Variants in BCL2 observed in about 807,000 individuals in gnomAD.
BCL2 encodes BCL2 apoptosis regulator.
Under a neutral mutation model 14.2 loss-of-function variants are expected in BCL2, and 1 was observed. The ratio of observed to expected loss-of-function variants is 0.07; its 90% CI spans 0.02 to 0.33. The LOEUF is 0.33. BCL2 is among the 10% of genes least tolerant of loss of function. BCL2 has a pLI of 0.99. For missense variants in BCL2, 247 were observed against 305.9 expected, an observed-to-expected ratio of 0.81 and a Z score of 1.44; for synonymous variants, 151 against 137.2, an observed-to-expected ratio of 1.10 and a Z score of -0.70.
intron 2 of BCL2, among the ~76,000 whole-genome samples, chr18:63,136,100 C>T (rs969614119): frequency 2.0e-5 from 3 of 152,156 alleles, no homozygotes; most frequent in African/African-American, 7.2e-5. Flanking sequence ...GCACCTCCTC[C>T]CTGGCCTATT....
chr18:63,173,777 A>G (rs1488613340), intron 2 of BCL2, among the ~76,000 whole-genome samples: 2 of 152,232 alleles, frequency 1.3e-5, no homozygotes. Flanking sequence ...TCTTGTTTGT[A>G]TCAGACTTCT....
intron 2 of BCL2, among the ~76,000 whole-genome samples, chr18:63,295,186 A>ATT (rs1568261382): frequency 6.6e-6 from 1 of 150,882 alleles, no homozygotes; most frequent in African/African-American, 2.4e-5. Context: ...TAATAGTAAT[A>ATT]ATTATTATTA....
chr18:63,162,533 G>C (rs1021885517), intron 2 of BCL2, among the ~76,000 whole-genome samples: 2 of 152,040 alleles, frequency 1.3e-5, no homozygotes, highest in Non-Finnish European at 2.9e-5. Context: ...GCAGGCACGC[G>C]GGTGACACAG....
chr18:63,199,164 A>T (rs928565318), intron 2 of BCL2, among the ~76,000 whole-genome samples: 2 of 151,084 alleles, frequency 1.3e-5, no homozygotes, highest in Non-Finnish European at 3.0e-5. Flanking sequence ...CACACACCAC[A>T]CACATCACAT....
chr18:63,141,893 C>T (rs1328752206), intron 2 of BCL2, among the ~76,000 whole-genome samples: 1 of 152,258 alleles, frequency 6.6e-6, no homozygotes, highest in Non-Finnish European at 1.5e-5. Context: ...CCATGTGACT[C>T]GTGAACACGG....
chr18:63,299,821 T>C (rs1324613727), intron 2 of BCL2, among the ~76,000 whole-genome samples: 1 of 151,766 alleles, frequency 6.6e-6, no homozygotes, highest in Non-Finnish European at 1.5e-5. Flanking sequence ...TTTTCTTTTT[T>C]TTTTTGAACA....
chr18:63,295,432 G>T (rs896538671), intron 2 of BCL2, among the ~76,000 whole-genome samples: 4 of 152,130 alleles, frequency 2.6e-5, no homozygotes, highest in African/African-American at 9.7e-5. Flanking sequence ...AAGAGCAGCA[G>T]TGAGAAGCAA....
At chr18:63,168,011 T>A (rs1358757619) in intron 2 of BCL2, among the ~76,000 whole-genome samples, 1 of 145,090 alleles carries the variant, frequency 6.9e-6, no homozygotes, top group East Asian at 2.1e-4. Context: ...TGCAGTGACC[T>A]ATGATCATGC....
At chr18:63,254,383 TAAAAAA>T (rs71162613) in intron 2 of BCL2, among the ~76,000 whole-genome samples, 1 of 38,412 alleles carries the variant, frequency 2.6e-5, no homozygotes, top group Non-Finnish European at 4.2e-5. Flanking sequence ...CTGTCTTTGC[TAAAAAA>T]AAAAAAAAAA....
Position 63,319,220 on chromosome 18 carries a change from G to T in BCL2, c.-333C>A. 1 of 313,758 alleles carries T rather than the reference G, an allele frequency of 3.2e-6. No homozygotes were observed. The highest frequency in any genetic ancestry group is 5.2e-6 in the Non-Finnish European group (1 of 192,942). The allele number at this position is 313,758 out of a possible 1,614,324, so 19.4% of individuals were successfully genotyped here. A position where few individuals can be genotyped will look rare whatever the true frequency, so the allele number is the denominator to read the frequency against. On this transcript the variant is annotated 5_prime_UTR_variant, in exon 1 of 3. An upstream open reading frame in the 5' UTR gains an earlier in-frame stop. Coordinates refer to ENST00000333681, the MANE Select transcript of BCL2 (RefSeq NM_000633.3). Reference sequence around the variant, plus strand: ...TGATCCTCTGTCAAGTTTCCTTTTTGTAAAACCAAAACAAATGCATAAGGC... The same window carrying T: ...TGATCCTCTGTCAAGTTTCCTTTTTTTAAAACCAAAACAAATGCATAAGGC...
In BCL2 at chr18:63,147,759, A is replaced by G. The variant is rs202173400; in HGVS notation, c.586-19000T>C. Among the ~76,000 whole-genome samples, 9 of 152,378 alleles carry G rather than the reference A, an allele frequency of 5.9e-5. No homozygotes were observed. The East Asian group carries it at 1.7e-3, about 29-fold the overall frequency. The stretch of plus-strand genomic sequence containing the variant: ...TCTGGATGTGTCCTACTTCTCAGCC[A>G]TAAACAATATCCATTATTTATGGTA... On this transcript the variant is annotated intron_variant, in intron 2 of 2. Transcript: ENST00000333681.
intron 2 of BCL2, chr18:63,151,259 T>C (rs1180972589): frequency 6.6e-6 from 1 of 152,124 alleles, no homozygotes; most frequent in Non-Finnish European, 1.5e-5. Flanking sequence ...AACACCAATC[T>C]ACCCTGCAAC....
At chr18:63,249,704 C>T (rs529433756) in intron 2 of BCL2, among the ~76,000 whole-genome samples, 49 of 116,374 alleles carry the variant, frequency 4.2e-4, no homozygotes, top group Middle Eastern at 3.8e-3. Flanking sequence ...AGTAAGACTC[C>T]GCCTCAAAAA....
intron 2 of BCL2, among the ~76,000 whole-genome samples, chr18:63,133,098 G>A (rs909584537): frequency 6.6e-6 from 1 of 152,308 alleles, no homozygotes; most frequent in East Asian, 1.9e-4. Context: ...GAGGATCTGA[G>A]TTCCACCCAG....
At chr18:63,169,327 CCT>C (rs1363785230) in intron 2 of BCL2, among the ~76,000 whole-genome samples, 3 of 36,914 alleles carry the variant, frequency 8.1e-5, no homozygotes, top group Non-Finnish European at 8.4e-5. Context: ...TTCCTTCTTT[CCT>C]TTCCTTCCTT....
intron 2 of BCL2, among the ~76,000 whole-genome samples, chr18:63,284,513 T>C (rs1295264651): frequency 6.6e-6 from 1 of 152,192 alleles, no homozygotes; most frequent in East Asian, 1.9e-4. Flanking sequence ...CTGGGGTTAT[T>C]TGAAACAAGG....
chr18:63,309,300 A>G (rs752204905), intron 2 of BCL2, among the ~76,000 whole-genome samples: 16 of 152,246 alleles, frequency 1.1e-4, no homozygotes, highest in Admixed American at 2.0e-4. Flanking sequence ...TTCAACCTCA[A>G]TTTTTCTCTT....
At chr18:63,224,217 C>T (rs746890702) in intron 2 of BCL2, among the ~76,000 whole-genome samples, 1 of 152,060 alleles carries the variant, frequency 6.6e-6, no homozygotes, top group Non-Finnish European at 1.5e-5. Context: ...ACAAAACTGT[C>T]CAGGAAGTTC....
rs540409268 is a variant in BCL2 at position 63,165,835 on chromosome 18, TA to T, written c.586-37077del. Among the ~76,000 whole-genome samples the T allele has an allele frequency of 4.5e-4, 68 of 152,270 alleles. 1 individual carries two copies. In the South Asian group the frequency reaches 0.014, roughly 31 times the overall value. On this transcript the variant is annotated intron_variant, in intron 2 of 2. Coordinates refer to ENST00000333681, the MANE Select transcript of BCL2 (RefSeq NM_000633.3). Reference sequence around the variant, plus strand: ...ATCTAAGCCCGAGGGGATGTCCGAATAACAAACAAGCTATATGACAATGTTG... The same window carrying T: ...ATCTAAGCCCGAGGGGATGTCCGAATACAAACAAGCTATATGACAATGTTG...
Sources: gnomAD v4.1 joint callset for allele counts (sites outside exome capture counted in the v4.1 genomes callset) on GRCh38, gnomAD v4.1.1 for gene constraint, MANE v1.5 for transcripts, NCBI Gene and HGNC (gene_info 2026-07-23, HGNC 2026-07-21) for gene names.